The following COX6A1 variants were observed in gnomAD, a reference collection of about 807,000 sequenced individuals.
The protein encoded by COX6A1 is cytochrome c oxidase subunit 6A1, mitochondrial.
In COX6A1, 10 loss-of-function variants were observed where a neutral mutation model predicts 11.3. The observed-to-expected ratio is 0.88, with a 90% CI of 0.54 to 1.50. The LOEUF is 1.50. Ranked by LOEUF, COX6A1 falls within the 40% of genes most tolerant of loss-of-function variation. The probability of loss-of-function intolerance (pLI) is 0.00; values close to 1 mark genes in which losing one functional copy is unlikely to be tolerated. For synonymous variants in COX6A1, 81 were observed against 60.6 expected, an observed-to-expected ratio of 1.34 and a Z score of -1.57; for missense variants, 149 against 147.6, an observed-to-expected ratio of 1.01 and a Z score of -0.05.
chr12:120,438,788 C>CTTT (rs376239130), intron 2 of COX6A1: 3,237 of 119,938 alleles, frequency 0.027, 337 homozygotes, highest in African/African-American at 0.04. Flanking sequence ...TGAGACAGTT[C>CTTT]TTTTTTTTTT....
chr12:120,438,772 G>T, intron 2 of COX6A1: 11 of 368,854 alleles, frequency 3.0e-5, no homozygotes, highest in Admixed American at 9.4e-5. Context: ...CCTACCTCCT[G>T]CCTTCTGAGA....
chr12:120,438,653 A>G (rs1877633820), intron 2 of COX6A1, 132 bp downstream of exon 2: 2 of 1,267,324 alleles, frequency 1.6e-6, no homozygotes, highest in South Asian at 2.6e-5. Context: ...CAGAAAATGT[A>G]TTTTCTTCCA....
At chr12:120,438,350 G>C (rs2081873574) in intron 1 of COX6A1, 29 bp from the exon 2 acceptor site, 2 of 1,614,140 alleles carry the variant, frequency 1.2e-6, no homozygotes, top group African/African-American at 2.7e-5. Flanking sequence ...GCCCCATACC[G>C]GCGCTGAACG....
rs768935203 is a variant in COX6A1, at chr12:120,438,130, G to T, written c.4G>T (p.Ala2Ser). Residue 2 changes from alanine to serine, a missense_variant, in exon 1 of 3, where the codon GCG becomes TCG. Coordinates refer to ENST00000229379, the MANE Select transcript of COX6A1 (RefSeq NM_004373.4). The part of the protein sequence containing the change: M[A>S]VVGVSSVSRL... ...GCTGCGGCAGTCCAGATCAAAAATG[G>T]CGGTAGTTGGTGTGTCCTCGGTTTC... The T allele has an allele frequency of 1.2e-5, 19 of 1,613,258 alleles. No homozygotes were observed. Among genetic ancestry groups the T allele is most frequent in the South Asian group, 6.6e-5 (6 of 91,018 alleles).
At chr12:120,439,029 C>G (rs1565909529) in intron 2 of COX6A1, among the ~76,000 whole-genome samples, 1 of 151,860 alleles carries the variant, frequency 6.6e-6, no homozygotes, top group Non-Finnish European at 1.5e-5. Context: ...CAGAGCGAGA[C>G]TCTGGTCTCA....
chr12:120,438,384 A>G lies in COX6A1; in HGVS notation c.109A>G (p.Met37Val), dbSNP rs757479032. 3 of 1,614,168 alleles carry G rather than the reference A, an allele frequency of 1.9e-6. No homozygotes were observed. Among genetic ancestry groups the G allele is most frequent in the South Asian group, 1.1e-5 (1 of 91,082 alleles). The change falls in exon 2 of 3, where the codon ATG becomes GTG. Residue 37 changes from methionine to valine, a missense_variant. Transcript: ENST00000229379. ...CGTTTGTGGCTTCTCCGCAGCTCGC[A>G]TGTGGAAGACTCTCACCTTCTTCGT... is the stretch of plus-strand genomic sequence containing the variant. ...GAHGEEGSAR[M>V]WKTLTFFVAL...
At chr12:120,438,845 G>T (rs112032347) in intron 2 of COX6A1, 1 of 240,196 alleles carries the variant, frequency 4.2e-6, no homozygotes. Context: ...ACAGGTGTCC[G>T]TTGTGTAAAG....
At chr12:120,438,272 G>A in intron 1 of COX6A1, 43 bp downstream of exon 1, 1 of 1,612,038 alleles carries the variant, frequency 6.2e-7, no homozygotes, top group South Asian at 1.1e-5. Flanking sequence ...AGCCCCACTC[G>A]GGCGAGACAG....
At chr12:120,440,276 C>A in intron 2 of COX6A1, 178 bp from the exon 3 acceptor site, 2 of 537,984 alleles carry the variant, frequency 3.7e-6, no homozygotes, top group Non-Finnish European at 3.4e-6. Flanking sequence ...TTTAAGGGCT[C>A]CCCTGGTAGT....
intron 2 of COX6A1, 83 bp downstream of exon 2, chr12:120,438,604 A>C (rs1005903023): frequency 3.8e-6 from 6 of 1,588,570 alleles, no homozygotes; most frequent in Non-Finnish European, 4.3e-6. Context: ...CTCTGAAGGC[A>C]TGGGTGCCAG....
intron 2 of COX6A1, chr12:120,438,842 T>C (rs1877646302): frequency 3.7e-6 from 1 of 267,314 alleles, no homozygotes; most frequent in Non-Finnish European, 7.0e-6. Flanking sequence ...GAAACAGGTG[T>C]CCGTTGTGTA....
chr12:120,440,340 C>G (rs942063082), intron 2 of COX6A1, 114 bp from the exon 3 acceptor site: 35 of 739,496 alleles, frequency 4.7e-5, no homozygotes, highest in Non-Finnish European at 7.4e-5. Flanking sequence ...AGATAAAGGA[C>G]TAATTTCCAT....
intron 2 of COX6A1, chr12:120,438,791 T>A: frequency 5.3e-6 from 1 of 187,406 alleles, no homozygotes; most frequent in East Asian, 1.2e-4. Flanking sequence ...GACAGTTCTT[T>A]TTTTTTTTTT....
chr12:120,439,235 C>T (rs1298481387), intron 2 of COX6A1, among the ~76,000 whole-genome samples: 2 of 152,280 alleles, frequency 1.3e-5, no homozygotes, highest in East Asian at 1.9e-4. Context: ...TATTCTGATT[C>T]TTCAATACTG....
chr12:120,440,708 C>T lies in COX6A1; in HGVS notation c.*171C>T, dbSNP rs989695071. On this transcript the variant is annotated 3_prime_UTR_variant, in exon 3 of 3. Coordinates refer to ENST00000229379, the MANE Select transcript of COX6A1 (RefSeq NM_004373.4). ...TCCCTTTGCTTGTGGCAGGAGATGG[C>T]TTAAATAAATAACTTAAATTTAGAT... The T allele has an allele frequency of 1.4e-5, 7 of 504,634 alleles. No individual in the cohort carries two copies. Among genetic ancestry groups the T allele is most frequent in the Admixed American group, 1.1e-4 (3 of 26,920 alleles). 31.3% of individuals were successfully genotyped at this position (504,634 alleles called of 1,614,324 possible).
At chr12:120,438,612 C>G in intron 2 of COX6A1, 91 bp downstream of exon 2, 1 of 1,544,696 alleles carries the variant, frequency 6.5e-7, no homozygotes, top group Non-Finnish European at 8.9e-7. Flanking sequence ...GCATGGGTGC[C>G]AGGCGTGTAC....
chr12:120,438,696 C>A, intron 2 of COX6A1, 175 bp downstream of exon 2: 1 of 766,424 alleles, frequency 1.3e-6, no homozygotes, highest in East Asian at 2.8e-5. Context: ...CTTGGGATTA[C>A]GTCTCAATTC....
chr12:120,440,385 A>T, intron 2 of COX6A1, 69 bp from the exon 3 acceptor site: 1 of 1,216,018 alleles, frequency 8.2e-7, no homozygotes, highest in South Asian at 1.2e-5. Context: ...CCCCGTTATA[A>T]GCAGTTCATG....
At chr12:120,439,858 C>G (rs1475131075) in intron 2 of COX6A1, 1 of 152,562 alleles carries the variant, frequency 6.6e-6, no homozygotes, top group Non-Finnish European at 1.5e-5. Context: ...GCAGTAGTAC[C>G]TGCGCAACCC....
Sources: allele counts gnomAD v4.1 joint callset (sites outside exome capture counted in the v4.1 genomes callset), GRCh38; gene constraint gnomAD v4.1.1; transcripts MANE v1.5; gene names NCBI Gene and HGNC (gene_info 2026-07-23, HGNC 2026-07-21).